The following C2orf80 variants were observed in gnomAD, a reference collection of about 807,000 sequenced individuals.
C2orf80 encodes the protein chromosome 2 open reading frame 80.
In C2orf80, 28 loss-of-function variants were observed where a neutral mutation model predicts 30.2. The observed-to-expected ratio is 0.93, with a 90% CI of 0.69 to 1.27. The LOEUF (loss-of-function observed/expected upper bound fraction) is 1.27. Ranked by LOEUF, C2orf80 falls within the 50% of genes most tolerant of loss-of-function variation. C2orf80 has a pLI of 0.00. For missense variants in C2orf80, 220 were observed against 231.0 expected (o/e 0.95, Z 0.31); for synonymous variants, 80 against 76.4 (o/e 1.05, Z -0.24).
chr2:208,188,319 G>GT (rs548010776), intron 1 of C2orf80, among the ~76,000 whole-genome samples: 1 of 152,078 alleles, frequency 6.6e-6, no homozygotes, highest in Non-Finnish European at 1.5e-5. Flanking sequence ...TTTAGAAACG[G>GT]TTTTTTGAAA....
chr2:208,169,920 T>C (rs986226807), intron 8 of C2orf80, among the ~76,000 whole-genome samples: 1 of 152,140 alleles, frequency 6.6e-6, no homozygotes, highest in Admixed American at 6.5e-5. Flanking sequence ...ATGATAAGGT[T>C]ACATTTCTAA....
At chr2:208,176,423 G>A (rs541088737) in intron 6 of C2orf80, among the ~76,000 whole-genome samples, 189 of 152,266 alleles carry the variant, frequency 1.2e-3, no homozygotes, top group Middle Eastern at 3.4e-3. Flanking sequence ...TGATCCGCCC[G>A]CCTCGGCCTC....
intron 8 of C2orf80, among the ~76,000 whole-genome samples, chr2:208,166,626 G>C (rs1387312553): frequency 6.6e-6 from 1 of 151,840 alleles, no homozygotes; most frequent in African/African-American, 2.4e-5. Flanking sequence ...TGAAGAGAGC[G>C]ATTATATTAT....
At chr2:208,178,263 G>A (rs1696430604) in intron 6 of C2orf80, among the ~76,000 whole-genome samples, 1 of 152,090 alleles carries the variant, frequency 6.6e-6, no homozygotes, top group Non-Finnish European at 1.5e-5. Flanking sequence ...TAGTCTTTTA[G>A]CCATGTGAGT....
chr2:208,177,167 A>G (rs1199534505), intron 6 of C2orf80, among the ~76,000 whole-genome samples: 1 of 113,702 alleles, frequency 8.8e-6, no homozygotes, highest in East Asian at 5.1e-4. Context: ...GTGTGCATAT[A>G]TATGTGTATA....
At chr2:208,184,904 T>G in intron 3 of C2orf80, 47 bp downstream of exon 3, 9 of 1,458,448 alleles carry the variant, frequency 6.2e-6, no homozygotes, top group Non-Finnish European at 8.6e-6. Flanking sequence ...GTCTCTTTAA[T>G]ACACATATAA....
chr2:208,188,182 T>A (rs568725706), intron 1 of C2orf80, among the ~76,000 whole-genome samples: 7 of 151,828 alleles, frequency 4.6e-5, no homozygotes, highest in Non-Finnish European at 8.8e-5. Flanking sequence ...TACTCAAATA[T>A]AACAAAATGT....
chr2:208,177,937 C>T (rs1015647503), intron 6 of C2orf80, among the ~76,000 whole-genome samples: 2 of 151,860 alleles, frequency 1.3e-5, no homozygotes, highest in Non-Finnish European at 2.9e-5. Flanking sequence ...CTGCCTCAGC[C>T]TCCCAAGTAG....
At chr2:208,179,142 ATGAG>A (rs1330542911) in intron 6 of C2orf80, among the ~76,000 whole-genome samples, 5 of 152,220 alleles carry the variant, frequency 3.3e-5, no homozygotes, top group African/African-American at 7.2e-5. Flanking sequence ...GAATGAACAG[ATGAG>A]TGAATGAATG....
At chr2:208,179,093 C>T (rs1398800290) in intron 6 of C2orf80, among the ~76,000 whole-genome samples, 1 of 152,122 alleles carries the variant, frequency 6.6e-6, no homozygotes, top group Non-Finnish European at 1.5e-5. Flanking sequence ...TCTTGTCTGA[C>T]TTGCTCACCA....
intron 1 of C2orf80, among the ~76,000 whole-genome samples, chr2:208,189,693 G>T (rs1280586598): frequency 6.6e-6 from 1 of 152,130 alleles, no homozygotes; most frequent in Non-Finnish European, 1.5e-5. Flanking sequence ...AAACAAGACC[G>T]CTGTGTGTTT....
chr2:208,176,684 C>A (rs1281884954), intron 6 of C2orf80, among the ~76,000 whole-genome samples: 2 of 152,072 alleles, frequency 1.3e-5, no homozygotes, highest in East Asian at 3.9e-4. Context: ...CACGACAACC[C>A]CATCTTTGCG....
chr2:208,183,056 A>C lies in C2orf80; in HGVS notation c.124-9T>G, dbSNP rs1223653539. ...GCCAAGTCATAGTGTGCCTGGGAGC[A>C]GGAAGCACAGAGAGCAAAGAAACAG... On this transcript the variant is annotated splice_polypyrimidine_tract_variant and intron_variant, in intron 3 of 8. Coordinates refer to ENST00000341287, the MANE Select transcript of C2orf80 (RefSeq NM_001099334.3). 6.2e-7 allele frequency: 1 copy of C among 1,612,954 alleles called. No homozygotes were observed. The highest frequency in any genetic ancestry group is 1.1e-5 in the South Asian group (1 of 91,060).
chr2:208,174,828 C>T (rs1171276754), intron 6 of C2orf80, among the ~76,000 whole-genome samples: 1 of 152,242 alleles, frequency 6.6e-6, no homozygotes, highest in African/African-American at 2.4e-5. Context: ...GGTTCTAGTG[C>T]TGTCTGACCA....
In C2orf80 at chr2:208,175,221, G is replaced by T. The variant is rs918625722; in HGVS notation, c.367-3146C>A. Among the ~76,000 whole-genome samples, 129 of 145,990 alleles carry T rather than the reference G, an allele frequency of 8.8e-4. 1 individual carries two copies. Among genetic ancestry groups the T allele is most frequent in the African/African-American group, 2.7e-3 (103 of 38,660 alleles). ...GAATCACTTGAACCCCGGGGGGGGG[G>T]GGGGCGGAGGTTGCAGTGAGCCAAG... On this transcript the variant is annotated intron_variant, in intron 6 of 8. Transcript: ENST00000341287.
rs778301948 is a variant in C2orf80 at position 208,170,944 on chromosome 2, C to T, written c.573+1G>A. On this transcript the variant is annotated splice_donor_variant, in intron 8 of 8. Coordinates refer to ENST00000341287, the MANE Select transcript of C2orf80 (RefSeq NM_001099334.3). LOFTEE classifies it high-confidence loss of function. Reference sequence around the variant, plus strand: ...GGTCCAATTTACAATCTCACACCTACTTTGTGCTTTGGCTGTGTGTCTGAA... The same window carrying T: ...GGTCCAATTTACAATCTCACACCTATTTTGTGCTTTGGCTGTGTGTCTGAA... 6.8e-6 allele frequency: 11 copies of T among 1,612,424 alleles called. No individual in the cohort carries two copies. The East Asian group carries it at 2.5e-4, about 36-fold the overall frequency.
intron 2 of C2orf80, among the ~76,000 whole-genome samples, chr2:208,186,147 C>A (rs979698251): frequency 6.6e-6 from 1 of 152,018 alleles, no homozygotes; most frequent in Non-Finnish European, 1.5e-5. Flanking sequence ...TATGTGTACA[C>A]GTGTACTATA....
intron 6 of C2orf80, among the ~76,000 whole-genome samples, chr2:208,176,548 C>T (rs1052926273): frequency 6.6e-6 from 1 of 152,136 alleles, no homozygotes; most frequent in African/African-American, 2.4e-5. Context: ...GTGAAACATC[C>T]CACAATGCAC....
At chr2:208,181,356 A>G (rs1206566847) in intron 4 of C2orf80, 51 bp from the exon 5 acceptor site, 1 of 1,209,096 alleles carries the variant, frequency 8.3e-7, no homozygotes, top group African/African-American at 1.5e-5. Flanking sequence ...GTTCTTTTTG[A>G]TGCCTGCTAA....
Sources: allele counts gnomAD v4.1 joint callset (sites outside exome capture counted in the v4.1 genomes callset), GRCh38; gene constraint gnomAD v4.1.1; transcripts MANE v1.5; gene names NCBI Gene and HGNC (gene_info 2026-07-23, HGNC 2026-07-21).